TRIO: variants seen among roughly 807,000 people sequenced by gnomAD.
TRIO encodes the protein triple functional domain protein.
A neutral mutation model predicts 351.9 loss-of-function variants in TRIO; 58 were observed. The ratio of observed to expected loss-of-function variants is 0.16; its 90% CI spans 0.13 to 0.21. The LOEUF (loss-of-function observed/expected upper bound fraction) is 0.21. Among genes scored for constraint, TRIO ranks in the 10% least tolerant of loss-of-function variants. The pLI is 1.00. For missense variants in TRIO, 3,201 were observed against 4,027.8 expected (o/e 0.79, Z 5.56); for synonymous variants, 1,758 against 1,595.7 (o/e 1.10, Z -2.42).
At chr5:14,475,241 G>A (rs1159999186) in intron 40 of TRIO, among the ~76,000 whole-genome samples, 1 of 152,170 alleles carries the variant, frequency 6.6e-6, no homozygotes, top group Non-Finnish European at 1.5e-5. Flanking sequence ...GTCTGCTCCG[G>A]TTACCTGGCC....
intron 1 of TRIO, among the ~76,000 whole-genome samples, chr5:14,247,351 AATATGC>A (rs1342823100): frequency 6.6e-6 from 1 of 152,270 alleles, no homozygotes; most frequent in Non-Finnish European, 1.5e-5. Flanking sequence ...GAAACATGTT[AATATGC>A]ATTTCAGTTA....
intron 34 of TRIO, among the ~76,000 whole-genome samples, chr5:14,449,498 A>G (rs1752683606): frequency 6.6e-6 from 1 of 152,104 alleles, no homozygotes; most frequent in Admixed American, 6.5e-5. Context: ...CTTGATTCCT[A>G]TGTTGGCCTC....
intron 48 of TRIO, chr5:14,488,907 C>G (rs1460522797): frequency 1.3e-6 from 1 of 757,418 alleles, no homozygotes. Flanking sequence ...TCCCTGCGGC[C>G]TGCTGGGCTC....
chr5:14,217,368 C>G (rs1310622141), intron 1 of TRIO, among the ~76,000 whole-genome samples: 3 of 152,298 alleles, frequency 2.0e-5, no homozygotes, highest in African/African-American at 7.2e-5. Context: ...TTCTGGGCCC[C>G]TTTCTTGCCC....
chr5:14,304,726 G>C (rs910199562), intron 8 of TRIO, 134 bp downstream of exon 8: 2 of 1,065,532 alleles, frequency 1.9e-6, no homozygotes, highest in African/African-American at 1.6e-5. Context: ...CAGTTTAATT[G>C]TTTAGCATTT....
chr5:14,444,189 A>G (rs965944727), intron 34 of TRIO, among the ~76,000 whole-genome samples: 2 of 152,350 alleles, frequency 1.3e-5, no homozygotes, highest in South Asian at 2.1e-4. Context: ...TATAGGATAA[A>G]GAAATTTCTT....
intron 13 of TRIO, among the ~76,000 whole-genome samples, chr5:14,359,760 A>G (rs966935699): frequency 2.0e-5 from 3 of 152,328 alleles, no homozygotes; most frequent in East Asian, 3.9e-4. Flanking sequence ...GTTGGAAACT[A>G]TAGAGCAGGC....
At chr5:14,394,328 G>A (rs748344927) in intron 28 of TRIO, among the ~76,000 whole-genome samples, 198 bp downstream of exon 28, 17 of 152,032 alleles carry the variant, frequency 1.1e-4, no homozygotes, top group Admixed American at 3.3e-4. Context: ...ATGATTATGC[G>A]TCTGAACTGC....
chr5:14,282,577 C>T (rs898066623), intron 3 of TRIO, among the ~76,000 whole-genome samples: 26 of 131,514 alleles, frequency 2.0e-4, no homozygotes, highest in African/African-American at 1.1e-3. Flanking sequence ...AAAAAAAAAC[C>T]TTTTTTTTGT....
intron 1 of TRIO, among the ~76,000 whole-genome samples, chr5:14,191,030 A>G (rs1168354400): frequency 6.6e-6 from 1 of 152,210 alleles, no homozygotes; most frequent in East Asian, 1.9e-4. Context: ...GGGCAGCTGC[A>G]GGAGGAATAC....
chr5:14,255,280 G>T (rs1043869499), intron 1 of TRIO, among the ~76,000 whole-genome samples: 19 of 152,206 alleles, frequency 1.2e-4, no homozygotes, highest in African/African-American at 4.6e-4. Context: ...ATTTAACCCT[G>T]ACATATCTCT....
At chr5:14,171,811 T>A (rs779558130) in intron 1 of TRIO, among the ~76,000 whole-genome samples, 3 of 152,114 alleles carry the variant, frequency 2.0e-5, no homozygotes, top group Non-Finnish European at 4.4e-5. Context: ...TTAGTAGATA[T>A]GTGGACCTAG....
In TRIO at chr5:14,388,688, G is replaced by GTTTTTTTTTTTTTTTT; in HGVS notation, c.3948+12_3948+27dup. On this transcript the variant is annotated intron_variant, in intron 24 of 56. Transcript: ENST00000344204. Reference sequence around the variant, plus strand: ...TCCGGGAATGTATGGATGTAAGTAAGTTTTTTTTTTTTTTTTTTGCTTGTT... The same window carrying GTTTTTTTTTTTTTTTT: ...TCCGGGAATGTATGGATGTAAGTAAGTTTTTTTTTTTTTTTTTTTTTTTTTTTTTTTTTTGCTTGTT... 1 of 1,440,392 alleles carries GTTTTTTTTTTTTTTTT rather than the reference G, an allele frequency of 6.9e-7. No homozygotes were observed. The allele number at this position is 1,440,392 out of a possible 1,614,324, so 89.2% of individuals were successfully genotyped here.
At chr5:14,342,600 C>T (rs1742040045) in intron 11 of TRIO, among the ~76,000 whole-genome samples, 2 of 152,350 alleles carry the variant, frequency 1.3e-5, no homozygotes, top group Non-Finnish European at 2.9e-5. Context: ...CCCAGTCTCT[C>T]ATGCGCCCTG....
intron 49 of TRIO, among the ~76,000 whole-genome samples, chr5:14,493,763 C>T (rs1579824390): frequency 6.6e-6 from 1 of 152,204 alleles, no homozygotes; most frequent in South Asian, 2.1e-4. Context: ...GAAAGCTAAG[C>T]GCCTCTCGCA....
chr5:14,506,268 C>T (rs751152492), intron 55 of TRIO, among the ~76,000 whole-genome samples: 2 of 152,218 alleles, frequency 1.3e-5, no homozygotes, highest in Admixed American at 1.3e-4. Flanking sequence ...AATGGTTTGG[C>T]CTCACCATCC....
Position 14,363,279 on chromosome 5 carries a change from C to T in TRIO, c.2392-453C>T, listed in dbSNP as rs1744311370. On this transcript the variant is annotated intron_variant, in intron 13 of 56. Coordinates refer to ENST00000344204, the MANE Select transcript of TRIO (RefSeq NM_007118.4). ...CCTCCCAAAGTGCTGGGATTATAGG[C>T]GTGAGCCACCACCCCCAGCCGATTT... Among the ~76,000 whole-genome samples, 8 of 152,304 alleles carry T rather than the reference C, an allele frequency of 5.3e-5. 1 individual carries two copies. In the South Asian group the frequency reaches 1.7e-3, roughly 32 times the overall value.
chr5:14,257,220 G>C (rs1315821045), intron 1 of TRIO, among the ~76,000 whole-genome samples: 1 of 152,222 alleles, frequency 6.6e-6, no homozygotes, highest in Non-Finnish European at 1.5e-5. Context: ...ACAGGCTCCT[G>C]CAGGCACCTC....
At chr5:14,298,261 A>G (rs1271229318) in intron 7 of TRIO, among the ~76,000 whole-genome samples, 1 of 152,216 alleles carries the variant, frequency 6.6e-6, no homozygotes, top group Non-Finnish European at 1.5e-5. Context: ...AAACTTGCTT[A>G]AACAAACGCT....
Sources: gnomAD v4.1 joint callset for allele counts (sites outside exome capture counted in the v4.1 genomes callset) on GRCh38, gnomAD v4.1.1 for gene constraint, MANE v1.5 for transcripts, NCBI Gene and HGNC (gene_info 2026-07-23, HGNC 2026-07-21) for gene names.